The following ZNF254 variants were observed in gnomAD, a reference collection of about 807,000 sequenced individuals.
ZNF254 encodes the protein zinc finger protein 254, also known as CTD-2017D11.1.
A neutral mutation model predicts 12.4 loss-of-function variants in ZNF254; 10 were observed. The ratio of observed to expected loss-of-function variants is 0.80; its 90% CI spans 0.50 to 1.36. The LOEUF (loss-of-function observed/expected upper bound fraction) is 1.36. ZNF254 is among the 40% of genes most tolerant of loss of function. The probability of loss-of-function intolerance (pLI) is 0.00; values close to 1 mark genes in which losing one functional copy is unlikely to be tolerated. For synonymous variants in ZNF254, 305 were observed against 253.4 expected (o/e 1.20, Z -1.93); for missense variants, 996 against 763.9 (o/e 1.30, Z -3.58).
intron 2 of ZNF254, chr19:24,046,355 C>G (rs1023198900): frequency 4.2e-5 from 4 of 95,886 alleles, no homozygotes; most frequent in African/African-American, 1.3e-4. Context: ...CTTTTGTCTT[C>G]CATTATTTTA....
rs1972072677 is a variant in ZNF254 at position 24,087,191 on chromosome 19, T to C, written c.-117T>C. On this transcript the variant is annotated 5_prime_UTR_variant, in exon 1 of 4. Coordinates refer to ENST00000357002, the MANE Select transcript of ZNF254 (RefSeq NM_203282.4). ...CGGCTTCCGGGATATGGCGGGGCCTTTGTCTCTCGCTGTCGCCGGAGTCCC... is the reference window on the plus strand; with the variant it reads ...CGGCTTCCGGGATATGGCGGGGCCTCTGTCTCTCGCTGTCGCCGGAGTCCC... The C allele has an allele frequency of 2.9e-6, 4 of 1,388,764 alleles. No homozygotes were observed. Among genetic ancestry groups the C allele is most frequent in the Admixed American group, 3.8e-5 (2 of 52,276 alleles). 86.0% of individuals were successfully genotyped at this position (1,388,764 alleles called of 1,614,324 possible).
intron 2 of ZNF254, among the ~76,000 whole-genome samples, chr19:24,064,383 C>A (rs1971191664): frequency 6.6e-6 from 1 of 152,086 alleles, no homozygotes; most frequent in Non-Finnish European, 1.5e-5. Context: ...ACTGCTGGAC[C>A]AACATGCTAG....
intron 1 of ZNF254, among the ~76,000 whole-genome samples, chr19:24,037,928 G>T (rs1165756116): frequency 1.3e-5 from 2 of 152,040 alleles, no homozygotes; most frequent in Non-Finnish European, 2.9e-5. Context: ...TGTACTTTTA[G>T]TAGAGATGGA....
intron 1 of ZNF254, among the ~76,000 whole-genome samples, chr19:24,034,238 A>G (rs561233357): frequency 9.3e-4 from 142 of 151,988 alleles, no homozygotes; most frequent in African/African-American, 3.3e-3. Flanking sequence ...CAGTGACTCA[A>G]GCTAAGGATA....
At chr19:24,063,350 C>T (rs1599623835) in intron 2 of ZNF254, among the ~76,000 whole-genome samples, 1 of 152,192 alleles carries the variant, frequency 6.6e-6, no homozygotes, top group East Asian at 1.9e-4. Flanking sequence ...ATCACCGGGC[C>T]CATACCCTTG....
intron 3 of ZNF254, among the ~76,000 whole-genome samples, chr19:24,111,701 C>T (rs1357741465): frequency 6.6e-6 from 1 of 152,158 alleles, no homozygotes; most frequent in East Asian, 1.9e-4. Context: ...CTCTGATGGC[C>T]AGTGATGATG....
chr19:24,106,421 G>T (rs993479501), intron 2 of ZNF254, 127 bp from the exon 3 acceptor site: 1 of 682,556 alleles, frequency 1.5e-6, no homozygotes, highest in Admixed American at 3.7e-5. Context: ...AAAAATTTCT[G>T]TTATAAATTA....
upstream of ZNF254, among the ~76,000 whole-genome samples, chr19:24,085,426 A>ATATATATAT (rs369443689): frequency 1.9e-5 from 2 of 105,646 alleles, no homozygotes; most frequent in African/African-American, 3.6e-5. Context: ...ATATATATAT[A>ATATATATAT]AAAACTAAGA....
intron 2 of ZNF254, among the ~76,000 whole-genome samples, chr19:24,067,516 A>G (rs972319677): frequency 6.6e-6 from 1 of 151,718 alleles, no homozygotes; most frequent in Admixed American, 6.6e-5. Context: ...TGATTGTGCC[A>G]TATAGCTGGG....
chr19:24,102,846 T>G (rs976845704), intron 1 of ZNF254, among the ~76,000 whole-genome samples: 3 of 152,206 alleles, frequency 2.0e-5, no homozygotes, highest in Non-Finnish European at 2.9e-5. Context: ...ACTCTATCTG[T>G]GTCCTTCTCA....
rs200619801 is a variant in ZNF254, at chr19:24,127,601, C to G, written c.1601C>G (p.Thr534Ser). The change falls in exon 4 of 4, where the codon ACT (threonine) becomes AGT (serine). Residue 534 changes from threonine (T) to serine (S), a missense_variant. Physicochemically the swap from Thr to Ser is moderately conservative, Grantham distance 58. Coordinates refer to ENST00000357002, the MANE Select transcript of ZNF254 (RefSeq NM_203282.4). ...GCCTTTAACTGGTCCTCAACTCTTA[C>G]TAAACATAAGATAATTCATACTGAA... Reference protein sequence around the residue: ...GKAFNWSSTLTKHKIIHTEEK... With the variant: ...GKAFNWSSTLSKHKIIHTEEK... 17 of 1,607,968 alleles carry G rather than the reference C, an allele frequency of 1.1e-5. No homozygotes were observed. Among genetic ancestry groups the G allele is most frequent in the Non-Finnish European group, 1.4e-5 (16 of 1,176,768 alleles).
Position 24,128,053 on chromosome 19 carries a change from C to T in ZNF254, c.*73C>T. On this transcript the variant is annotated 3_prime_UTR_variant, in exon 4 of 4. Transcript: ENST00000357002. The stretch of plus-strand genomic sequence containing the variant: ...GATTATTCCTACTGGAGAGAAACTA[C>T]AAACCTGAGAGAGGCGCTAATGCTT... 7.1e-7 allele frequency: 1 copy of T among 1,414,106 alleles called. No individual in the cohort carries two copies. Among genetic ancestry groups the T allele is most frequent in the Non-Finnish European group, 9.3e-7 (1 of 1,076,254 alleles). The allele number at this position is 1,414,106 out of a possible 1,614,324, so 87.6% of individuals were successfully genotyped here.
chr19:24,085,096 T>C (rs2145607163), upstream of ZNF254, among the ~76,000 whole-genome samples: 1 of 151,558 alleles, frequency 6.6e-6, no homozygotes, highest in Non-Finnish European at 1.5e-5. Context: ...CACGCCCAGC[T>C]AATTTTTGTA....
upstream of ZNF254, among the ~76,000 whole-genome samples, chr19:24,086,233 T>C (rs1972034520): frequency 6.6e-6 from 1 of 151,726 alleles, no homozygotes; most frequent in Non-Finnish European, 1.5e-5. Flanking sequence ...TAAAAAAAAG[T>C]ATAAGAGATC....
intron 2 of ZNF254, among the ~76,000 whole-genome samples, chr19:24,078,240 G>A (rs765849489): frequency 1.3e-5 from 2 of 152,308 alleles, no homozygotes; most frequent in East Asian, 1.9e-4. Flanking sequence ...GTTTCACCAT[G>A]TTGGCCAGGC....
chr19:24,077,179 G>C (rs1429473863), intron 2 of ZNF254, among the ~76,000 whole-genome samples: 4 of 152,086 alleles, frequency 2.6e-5, no homozygotes, highest in Admixed American at 2.0e-4. Flanking sequence ...ATCTACTTAT[G>C]ACTTGGAAGC....
rs2146047378 is a variant in ZNF254, at chr19:24,129,462, T to C, written c.*1482T>C. The C allele has an allele frequency of 6.6e-6, 1 of 152,202 alleles. No individual in the cohort carries two copies. The highest frequency in any genetic ancestry group is 6.5e-5 in the Admixed American group (1 of 15,284). 9.4% of individuals were successfully genotyped at this position (152,202 alleles called of 1,614,324 possible). The stretch of plus-strand genomic sequence containing the variant: ...TGGTAAGATAATGTACTGACATCTC[T>C]AGCAATCTTTTTTGCCAGTGGCTTT... On this transcript the variant is annotated 3_prime_UTR_variant, in exon 4 of 4. Coordinates refer to ENST00000357002, the MANE Select transcript of ZNF254 (RefSeq NM_203282.4).
chr19:24,034,703 TGGACAAGA>T (rs1383175132), intron 1 of ZNF254, among the ~76,000 whole-genome samples: 1 of 151,776 alleles, frequency 6.6e-6, no homozygotes, highest in Non-Finnish European at 1.5e-5. Flanking sequence ...TCTCCAACTC[TGGACAAGA>T]GGTAATCCAC....
At chr19:24,038,133 TGACTCAG>T in intron 1 of ZNF254, among the ~76,000 whole-genome samples, 1 of 152,366 alleles carries the variant, frequency 6.6e-6, no homozygotes, top group East Asian at 1.9e-4. Flanking sequence ...TCAGTATTTT[TGACTCAG>T]GACTGTTTTT....
Sources: gnomAD v4.1 joint callset for allele counts (sites outside exome capture counted in the v4.1 genomes callset) on GRCh38, gnomAD v4.1.1 for gene constraint, MANE v1.5 for transcripts, NCBI Gene and HGNC (gene_info 2026-07-23, HGNC 2026-07-21) for gene names.